Variants in MYL3 observed in about 807,000 individuals in gnomAD.
MYL3 encodes CMLC1.
A neutral mutation model predicts 21.3 loss-of-function variants in MYL3; 11 were observed. The ratio of observed to expected loss-of-function variants is 0.52; its 90% CI spans 0.32 to 0.85. The LOEUF is 0.85. MYL3 is among the 40% of genes least tolerant of loss of function. The probability of loss-of-function intolerance (pLI) is 0.03; values close to 1 mark genes in which losing one functional copy is unlikely to be tolerated. For synonymous variants in MYL3, 88 were observed against 91.6 expected (o/e 0.96, Z 0.22); for missense variants, 206 against 253.3 (o/e 0.81, Z 1.27).
upstream of MYL3, among the ~76,000 whole-genome samples, chr3:46,865,421 G>A (rs928225367): frequency 6.6e-6 from 1 of 152,158 alleles, no homozygotes; most frequent in African/African-American, 2.4e-5. This position sits in a 1 kb window ranked among gnomAD's most constrained non-coding sequence, Gnocchi z 4.3. Context: ...GCCCCGGGGA[G>A]GCCCCACCAC....
At chr3:46,869,349 G>A (rs1275754058) in intron 1 of MYL3, among the ~76,000 whole-genome samples, 1 of 152,230 alleles carries the variant, frequency 6.6e-6, no homozygotes, top group African/African-American at 2.4e-5. Flanking sequence ...TAGACGGGCT[G>A]AGGAAGAAAG....
At chr3:46,865,990 T>A (rs948248754), upstream of MYL3, among the ~76,000 whole-genome samples, 2 of 151,452 alleles carry the variant, frequency 1.3e-5, no homozygotes, top group African/African-American at 4.9e-5. The surrounding 1 kb of genome is among the most constrained non-coding windows in gnomAD (Gnocchi z 4.3). Flanking sequence ...CTCAAACCTA[T>A]AACAACTGCC....
chr3:46,874,060 C>T lies in MYL3; in HGVS notation c.-217-7460G>A, dbSNP rs529020487. On this transcript the variant is annotated intron_variant, in intron 1 of 3. Coordinates refer to the MYL3 transcript ENST00000431168. This position sits in a 1 kb window ranked among gnomAD's most constrained non-coding sequence, Gnocchi z 4.1. ...GGCTCACCTCAGAGGGCACGGGTGT[C>T]GGAAGGCCTGGAGACTTGCTCTGGA... 2.6e-5 allele frequency among the ~76,000 whole-genome samples: 4 copies of T among 152,330 alleles called. No homozygotes were observed. The highest frequency in any genetic ancestry group is 2.1e-4 in the South Asian group (1 of 4,822).
chr3:46,872,502 A>C (rs1472320242), intron 1 of MYL3, among the ~76,000 whole-genome samples: 1 of 144,654 alleles, frequency 6.9e-6, no homozygotes, highest in East Asian at 2.0e-4. Context: ...ACCTAGAATC[A>C]TTGGAGATAC....
chr3:46,875,107 G>A (rs916110038), intron 1 of MYL3, among the ~76,000 whole-genome samples: 6 of 152,168 alleles, frequency 3.9e-5, no homozygotes, highest in African/African-American at 1.4e-4. Context: ...GACAAGATTT[G>A]GACCCCCAAG....
chr3:46,862,978 T>C (rs774600341), intron 1 of MYL3, among the ~76,000 whole-genome samples: 13 of 152,200 alleles, frequency 8.5e-5, no homozygotes, highest in Non-Finnish European at 2.9e-5. Flanking sequence ...GGAGAGTCCA[T>C]TTCCAAAACC....
chr3:46,873,592 T>C (rs1260788047), intron 1 of MYL3, among the ~76,000 whole-genome samples: 2 of 152,190 alleles, frequency 1.3e-5, no homozygotes, highest in African/African-American at 4.8e-5. Context: ...CCTTCCATCT[T>C]GAACCCAGCT....
chr3:46,872,202 G>A (rs1368717769), intron 1 of MYL3, among the ~76,000 whole-genome samples: 1 of 152,198 alleles, frequency 6.6e-6, no homozygotes, highest in Non-Finnish European at 1.5e-5. Flanking sequence ...CAGAGGGCTG[G>A]AGCTTGAAGC....
chr3:46,878,477 T>TA (rs1267333607), intron 1 of MYL3, among the ~76,000 whole-genome samples: 1 of 152,164 alleles, frequency 6.6e-6, no homozygotes, highest in Non-Finnish European at 1.5e-5. Flanking sequence ...ATGATGGAGA[T>TA]AGAGCTCAGT....
At chr3:46,875,827 T>C (rs2030177849) in intron 1 of MYL3, among the ~76,000 whole-genome samples, 1 of 152,208 alleles carries the variant, frequency 6.6e-6, no homozygotes, top group African/African-American at 2.4e-5. Flanking sequence ...AAAGGGTTTA[T>C]GGGTCTCCCA....
rs914182703 is a variant in MYL3 at position 46,859,343 on chromosome 3, C to T, written c.481+132G>A. On this transcript the variant is annotated intron_variant, in intron 4 of 6. Coordinates refer to ENST00000292327, the MANE Select transcript of MYL3 (RefSeq NM_000258.3). The surrounding 1 kb of genome is among the most constrained non-coding windows in gnomAD (Gnocchi z 4.1). ...TCCTCCTAAGTAACATTTCTGTTGT[C>T]TGCCATTGAGGCTCCCTAATTATGT... The T allele has an allele frequency of 1.7e-6, 2 of 1,161,162 alleles. No homozygotes were observed. The highest frequency in any genetic ancestry group is 2.5e-6 in the Non-Finnish European group (2 of 793,958). The allele number at this position is 1,161,162 out of a possible 1,614,324, so 71.9% of individuals were successfully genotyped here.
upstream of MYL3, among the ~76,000 whole-genome samples, chr3:46,864,554 A>T (rs1227174630): frequency 6.6e-6 from 1 of 151,996 alleles, no homozygotes; most frequent in Admixed American, 6.5e-5. The surrounding 1 kb of genome is among the most constrained non-coding windows in gnomAD (Gnocchi z 4.7). Flanking sequence ...TGACATATTC[A>T]AGGCTTGGCT....
rs1039903239 is a variant in MYL3 at position 46,860,865 on chromosome 3, T to C, written c.158-40A>G. 1 of 1,613,838 alleles carries C rather than the reference T, an allele frequency of 6.2e-7. No individual in the cohort carries two copies. ...CAGTGAGCCACAGACACTCCCAGGG[T>C]CAGCCTACCCCACTCCCCACACCCC... On this transcript the variant is annotated intron_variant, in intron 2 of 6. Transcript: ENST00000292327. This position sits in a 1 kb window ranked among gnomAD's most constrained non-coding sequence, Gnocchi z 4.6.
At chr3:46,873,814 G>A (rs1271127965) in intron 1 of MYL3, among the ~76,000 whole-genome samples, 2 of 152,228 alleles carry the variant, frequency 1.3e-5, no homozygotes, top group African/African-American at 4.8e-5. Flanking sequence ...CCGGGAGGCA[G>A]AGAGGCCCCA....
Position 46,874,229 on chromosome 3 carries a change from C to T in MYL3, c.-217-7629G>A, listed in dbSNP as rs2030066540. On this transcript the variant is annotated intron_variant, in intron 1 of 3. Coordinates refer to the MYL3 transcript ENST00000431168. This position sits in a 1 kb window ranked among gnomAD's most constrained non-coding sequence, Gnocchi z 4.1. ...TGCCTCTGGGCCAGGCTTGGTGCAGCCTGCAGGATGGCCAGGCAGACACAA... is the reference window on the plus strand; with the variant it reads ...TGCCTCTGGGCCAGGCTTGGTGCAGTCTGCAGGATGGCCAGGCAGACACAA... Among the ~76,000 whole-genome samples the T allele has an allele frequency of 6.6e-6, 1 of 152,194 alleles. No individual in the cohort carries two copies. The highest frequency in any genetic ancestry group is 1.5e-5 in the Non-Finnish European group (1 of 68,042).
chr3:46,872,148 C>A (rs528365990), intron 1 of MYL3, among the ~76,000 whole-genome samples: 1 of 152,314 alleles, frequency 6.6e-6, no homozygotes, highest in East Asian at 1.9e-4. Flanking sequence ...GTCCTCCTTC[C>A]CCACTGCCTC....
At position 46,878,369 on chromosome 3, in the gene MYL3, T is replaced by G. The variant is rs139376966; in HGVS notation, c.-218+3705A>C. Among the ~76,000 whole-genome samples the G allele has an allele frequency of 3.5e-3, 535 of 152,298 alleles. 9 individuals carry two copies. The highest frequency in any genetic ancestry group is 3.9e-3 in the Non-Finnish European group (267 of 68,022). Reference sequence around the variant, plus strand: ...AGGGGCCTAGAAGCCGAGAGAGGTCTGGGGTTGAGGGCTGGGTGGAGGCAC... The same window carrying G: ...AGGGGCCTAGAAGCCGAGAGAGGTCGGGGGTTGAGGGCTGGGTGGAGGCAC... On this transcript the variant is annotated intron_variant, in intron 1 of 3. Coordinates refer to the MYL3 transcript ENST00000431168.
At position 46,876,641 on chromosome 3, in the gene MYL3, C is replaced by T. The variant is rs866647915; in HGVS notation, c.-218+5433G>A. The stretch of plus-strand genomic sequence containing the variant: ...CTTTGGAAACTCTAATGAGTGGTAC[C>T]CTCCCCAGGAGCCTGGAAGACCCAG... On this transcript the variant is annotated intron_variant, in intron 1 of 3. Transcript: ENST00000431168. Among the ~76,000 whole-genome samples the T allele has an allele frequency of 8.5e-5, 13 of 152,324 alleles. No homozygotes were observed. The Middle Eastern group carries it at 0.01, about 120-fold the overall frequency.
chr3:46,870,154 C>T (rs530888031), intron 1 of MYL3, among the ~76,000 whole-genome samples: 26 of 152,214 alleles, frequency 1.7e-4, no homozygotes, highest in Non-Finnish European at 5.9e-5. Context: ...CAGACACGTA[C>T]GCATGCACAC....
Sources: gnomAD v4.1 joint callset for allele counts (sites outside exome capture counted in the v4.1 genomes callset) on GRCh38, gnomAD v4.1.1 for gene constraint, Gnocchi (gnomAD v3.1) non-coding constraint, MANE v1.5 for transcripts, NCBI Gene and HGNC (gene_info 2026-07-23, HGNC 2026-07-21) for gene names.